IL18R1: variants seen among roughly 807,000 people sequenced by gnomAD.
IL18R1 encodes the protein interleukin-18 receptor 1.
A neutral mutation model predicts 48.5 loss-of-function variants in IL18R1; 40 were observed. The ratio of observed to expected loss-of-function variants is 0.82; its 90% CI spans 0.64 to 1.07. IL18R1 has a LOEUF of 1.07. Among genes scored for constraint, IL18R1 ranks in the 50% least tolerant of loss-of-function variants. The pLI is 0.00. For synonymous variants in IL18R1, 232 were observed against 225.9 expected, an observed-to-expected ratio of 1.03 and a Z score of -0.24; for missense variants, 596 against 633.7, an observed-to-expected ratio of 0.94 and a Z score of 0.64.
rs992148153 is a variant in IL18R1, at chr2:102,396,709, A to G, written c.1449A>G (p.Thr483=). Reference sequence around the variant, plus strand: ...AATTTACACCTGTTACTGACTTCACATTCTTGCCCCAATCACTAAAGCTTT... The same window carrying G: ...AATTTACACCTGTTACTGACTTCACGTTCTTGCCCCAATCACTAAAGCTTT... ...LIEFTPVTDF[T]FLPQSLKLLK... The change falls in exon 11 of 11, where the codon ACA becomes ACG. Residue 483 remains threonine (T), a synonymous_variant. Transcript: ENST00000233957. 29 of 1,614,046 alleles carry G rather than the reference A, an allele frequency of 1.8e-5. No individual in the cohort carries two copies. The highest frequency in any genetic ancestry group is 2.7e-5 in the African/African-American group (2 of 74,948).
Position 102,386,874 on chromosome 2 carries a change from A to C in IL18R1, c.823A>C (p.Lys275Gln), listed in dbSNP as rs1366033595. The change falls in exon 8 of 11, where the codon AAA becomes CAA. Residue 275 changes from lysine (K) to glutamine (Q), a missense_variant. Around this residue, in one of 3 missense-constraint regions of IL18R1, gnomAD observed 360 missense variants for 339.4 expected, o/e 1.06. Transcript: ENST00000233957. ...KEMRIMTPEG[K>Q]WHASKVLRIE... Reference sequence around the variant, plus strand: ...GCCCTCTTACAGGACTCCAGAAGGCAAATGGCATGCTTCAAAAGTATTGAG... The same window carrying C: ...GCCCTCTTACAGGACTCCAGAAGGCCAATGGCATGCTTCAAAAGTATTGAG... The C allele has an allele frequency of 6.2e-7, 1 of 1,614,228 alleles. No individual in the cohort carries two copies. The highest frequency in any genetic ancestry group is 2.2e-5 in the East Asian group (1 of 44,888).
At chr2:102,365,799 T>A (rs1467307135) in intron 2 of IL18R1, among the ~76,000 whole-genome samples, 2 of 152,204 alleles carry the variant, frequency 1.3e-5, no homozygotes, top group Non-Finnish European at 2.9e-5. Flanking sequence ...ACCTGCAGCC[T>A]CAACACCATG....
intron 2 of IL18R1, among the ~76,000 whole-genome samples, chr2:102,363,930 G>A (rs1678735872): frequency 6.6e-6 from 1 of 152,162 alleles, no homozygotes; most frequent in Admixed American, 6.5e-5. Flanking sequence ...TGCCTATTTT[G>A]GCACTTGGAA....
At chr2:102,381,741 C>T (rs981507283) in intron 6 of IL18R1, 59 bp downstream of exon 6, 42 of 1,088,490 alleles carry the variant, frequency 3.9e-5, no homozygotes, top group Non-Finnish European at 5.5e-5. Flanking sequence ...TAGAGCCTTC[C>T]AAGCGTAAAT....
chr2:102,370,332 A>G (rs1179843769), intron 3 of IL18R1, among the ~76,000 whole-genome samples: 2 of 152,190 alleles, frequency 1.3e-5, no homozygotes, highest in Non-Finnish European at 2.9e-5. Context: ...ATATTCATGT[A>G]CCCTATTCCT....
At chr2:102,379,414 C>T (rs964546285) in intron 5 of IL18R1, among the ~76,000 whole-genome samples, 1 of 136,664 alleles carries the variant, frequency 7.3e-6, no homozygotes, top group East Asian at 2.1e-4. Context: ...CATTGCACTC[C>T]AGCCCAGGTG....
rs201833291 is a variant in IL18R1, at chr2:102,396,644, G to A, written c.1384G>A (p.Glu462Lys). 1.9e-5 allele frequency: 31 copies of A among 1,612,980 alleles called. No individual in the cohort carries two copies. Among genetic ancestry groups the A allele is most frequent in the Middle Eastern group, 1.7e-4 (1 of 6,060 alleles). ...GTATGAACTTGAAAGTGGACTCCAT[G>A]AAGCATTGGTGGAAAGAAAAATTAA... ...VRYELESGLH[E>K]ALVERKIKII... The change falls in exon 11 of 11, where the codon GAA (glutamate) becomes AAA (lysine). Residue 462 changes from glutamate to lysine, a missense_variant. Coordinates refer to ENST00000233957, the MANE Select transcript of IL18R1 (RefSeq NM_003855.5).
In IL18R1 at chr2:102,392,752, G is replaced by C. The variant is rs1680620191; in HGVS notation, c.1112-1717G>C. On this transcript the variant is annotated intron_variant, in intron 9 of 10. Coordinates refer to ENST00000233957, the MANE Select transcript of IL18R1 (RefSeq NM_003855.5). ...ACCAAGCATAGTTTGAGGAACATTT[G>C]TTTAACTTACTCCTTGAAGTCCCAA... Among the ~76,000 whole-genome samples, 6 of 152,230 alleles carry C rather than the reference G, an allele frequency of 3.9e-5. No individual in the cohort carries two copies. The South Asian group carries it at 1.2e-3, about 32-fold the overall frequency.
chr2:102,394,770 C>A, intron 10 of IL18R1, 143 bp downstream of exon 10: 2 of 564,094 alleles, frequency 3.5e-6, no homozygotes, highest in Non-Finnish European at 6.0e-6. Flanking sequence ...CGTAAGTCAA[C>A]AATCGATAGT....
At chr2:102,361,671 G>C (rs926521469) in intron 1 of IL18R1, among the ~76,000 whole-genome samples, 1 of 152,182 alleles carries the variant, frequency 6.6e-6, no homozygotes, top group African/African-American at 2.4e-5. Flanking sequence ...ACTCAAACTG[G>C]AGTGGCAGCC....
rs759376271 is a variant in IL18R1 at position 102,384,921 on chromosome 2, G to C, written c.732G>C (p.Glu244Asp). The part of the protein sequence containing the change: ...RLNCSALLNE[E>D]DVIYWMFGEE... ...ACTGCTCTGCTTTGCTGAATGAAGA[G>C]GATGTAATTTATTGGATGTTCGGGG... Residue 244 changes from glutamate to aspartate, a missense_variant, in exon 7 of 11, where the codon GAG becomes GAC. This residue lies in a region of IL18R1 where 360 missense variants were observed against 339.4 expected (regional missense o/e 1.06). Transcript: ENST00000233957. 7 of 1,611,098 alleles carry C rather than the reference G, an allele frequency of 4.3e-6. No individual in the cohort carries two copies. In the East Asian group the frequency reaches 8.9e-5, roughly 21 times the overall value.
intron 8 of IL18R1, among the ~76,000 whole-genome samples, chr2:102,388,614 C>T (rs1174785004): frequency 7.2e-5 from 11 of 152,190 alleles, no homozygotes; most frequent in African/African-American, 1.4e-4. Context: ...CTGCCCTAGA[C>T]GCTTCTGGCC....
intron 10 of IL18R1, 135 bp downstream of exon 10, chr2:102,394,762 T>A (rs1419369473): frequency 1.6e-6 from 1 of 606,612 alleles, no homozygotes; most frequent in Non-Finnish European, 2.7e-6. Context: ...AATAACCACG[T>A]AAGTCAACAA....
At chr2:102,387,415 A>C (rs1424597233) in intron 8 of IL18R1, among the ~76,000 whole-genome samples, 1 of 152,224 alleles carries the variant, frequency 6.6e-6, no homozygotes, top group Non-Finnish European at 1.5e-5. Context: ...TCAGCAGGGT[A>C]CCAGGCTCAG....
chr2:102,367,869 C>G lies in IL18R1; in HGVS notation c.103C>G (p.Pro35Ala). 6.2e-7 allele frequency: 1 copy of G among 1,613,848 alleles called. No homozygotes were observed. Among genetic ancestry groups the G allele is most frequent in the African/African-American group, 1.3e-5 (1 of 75,052 alleles). ...CCACATTACTGTGGTTGAAGGGGAA[C>G]CTTTCTATCTGAAACATTGCTCGTG... Reference protein sequence around the residue: ...RPHITVVEGEPFYLKHCSCSL... With the variant: ...RPHITVVEGEAFYLKHCSCSL... Residue 35 changes from proline (P) to alanine (A), a missense_variant, in exon 3 of 11, where the codon CCT becomes GCT. By Grantham distance (27) the Pro-to-Ala change is conservative. Coordinates refer to ENST00000233957, the MANE Select transcript of IL18R1 (RefSeq NM_003855.5).
chr2:102,387,120 G>C, intron 8 of IL18R1, 120 bp downstream of exon 8: 1 of 996,730 alleles, frequency 1.0e-6, no homozygotes, highest in Non-Finnish European at 1.5e-6. Flanking sequence ...GGGGAAATCA[G>C]TCACCTCATG....
At position 102,362,790 on chromosome 2, in the gene IL18R1, A is replaced by G. The variant is rs576376530; in HGVS notation, c.58+72A>G. The G allele has an allele frequency of 8.4e-5, 69 of 823,028 alleles. No individual in the cohort carries two copies. In the Middle Eastern group the frequency reaches 3.7e-3, roughly 44 times the overall value. The allele number at this position is 823,028 out of a possible 1,614,324, so 51.0% of individuals were successfully genotyped here. Reference sequence around the variant, plus strand: ...GAAGAATGTCAAAGTTTTTTTTTTTATGTGGTGGCTACTGAAGATGCTGAA... The same window carrying G: ...GAAGAATGTCAAAGTTTTTTTTTTTGTGTGGTGGCTACTGAAGATGCTGAA... On this transcript the variant is annotated intron_variant, in intron 2 of 10. Transcript: ENST00000233957.
intron 10 of IL18R1, among the ~76,000 whole-genome samples, chr2:102,395,810 G>T (rs1229998672): frequency 1.3e-5 from 2 of 152,188 alleles, no homozygotes; most frequent in Admixed American, 1.3e-4. Flanking sequence ...TAGAACAGGG[G>T]TTGGCAGTTT....
chr2:102,364,557 C>T (rs965537210), intron 2 of IL18R1, among the ~76,000 whole-genome samples: 1 of 152,178 alleles, frequency 6.6e-6, no homozygotes, highest in Non-Finnish European at 1.5e-5. Context: ...ATCACACCTT[C>T]TATGTTGAAG....
Sources: allele counts gnomAD v4.1 joint callset (sites outside exome capture counted in the v4.1 genomes callset), GRCh38; gene constraint gnomAD v4.1.1; regional missense constraint gnomAD v4.1.1; transcripts MANE v1.5; gene names NCBI Gene and HGNC (gene_info 2026-07-23, HGNC 2026-07-21).